SLC2A9: variants seen among roughly 807,000 people sequenced by gnomAD.
SLC2A9 encodes solute carrier family 2 member 9.
In SLC2A9, 39 loss-of-function variants were observed where a neutral mutation model predicts 50.6. The observed-to-expected ratio is 0.77, with a 90% CI of 0.60 to 1.01. The LOEUF is 1.01. SLC2A9 is among the 50% of genes least tolerant of loss of function. The pLI, the probability that SLC2A9 is intolerant of heterozygous loss-of-function variation, is 0.00. For missense variants in SLC2A9, 686 were observed against 677.6 expected (o/e 1.01, Z -0.14); for synonymous variants, 324 against 276.9 (o/e 1.17, Z -1.69).
intron 6 of SLC2A9, among the ~76,000 whole-genome samples, chr4:9,932,832 C>T (rs536971190): frequency 6.6e-6 from 1 of 152,330 alleles, no homozygotes; most frequent in East Asian, 1.9e-4. Flanking sequence ...AATGATATCT[C>T]CTTACTCCCA....
rs1746537936 is a variant in SLC2A9 at position 9,933,614 on chromosome 4, G to T, written c.814+8299C>A. On this transcript the variant is annotated intron_variant, in intron 6 of 11. Coordinates refer to ENST00000264784, the MANE Select transcript of SLC2A9 (RefSeq NM_020041.3). ...TAGAAAATGTGTAGACTTTAGGGGG[G>T]TGAGGACTAAGGTAATGGTTGCCAT... Among the ~76,000 whole-genome samples the T allele has an allele frequency of 2.0e-5, 3 of 152,138 alleles. No individual in the cohort carries two copies. The South Asian group carries it at 6.2e-4, about 32-fold the overall frequency.
At chr4:10,020,729 G>C (rs974109268) in intron 1 of SLC2A9, among the ~76,000 whole-genome samples, 1 of 152,150 alleles carries the variant, frequency 6.6e-6, no homozygotes, top group African/African-American at 2.4e-5. Flanking sequence ...TCCCAGCCCC[G>C]ATGACCTTAG....
At chr4:9,847,490 C>T (rs1729173071) in intron 10 of SLC2A9, among the ~76,000 whole-genome samples, 1 of 152,230 alleles carries the variant, frequency 6.6e-6, no homozygotes. Flanking sequence ...CAGAGCCAAA[C>T]CATATTGGCA....
chr4:10,037,956 T>C (rs1442174662), intron 1 of SLC2A9, among the ~76,000 whole-genome samples: 1 of 150,594 alleles, frequency 6.6e-6, no homozygotes, highest in Non-Finnish European at 1.5e-5. Context: ...GTCTCAAAAA[T>C]AAATAAATAA....
intron 6 of SLC2A9, among the ~76,000 whole-genome samples, chr4:9,921,298 T>A (rs536215229): frequency 6.6e-6 from 1 of 151,774 alleles, no homozygotes; most frequent in African/African-American, 2.4e-5. Flanking sequence ...AGAGAACCCA[T>A]CATTTTTTTT....
At chr4:10,015,053 G>A (rs747501614) in intron 2 of SLC2A9, among the ~76,000 whole-genome samples, 2 of 152,218 alleles carry the variant, frequency 1.3e-5, no homozygotes, top group East Asian at 1.9e-4. Flanking sequence ...GAGGGAGGGA[G>A]GGGTTGGGAC....
downstream of SLC2A9, among the ~76,000 whole-genome samples, chr4:9,778,457 G>A (rs1438914928): frequency 2.0e-5 from 3 of 152,034 alleles, no homozygotes; most frequent in African/African-American, 7.3e-5. Context: ...AAGTCAGCAG[G>A]GATTGTTCTC....
chr4:9,980,002 G>A (rs952816148), intron 5 of SLC2A9, among the ~76,000 whole-genome samples: 1 of 149,734 alleles, frequency 6.7e-6, no homozygotes, highest in Non-Finnish European at 1.5e-5. Flanking sequence ...CCTTCCTTGA[G>A]TTTACCCCAC....
chr4:10,033,526 A>G (rs1242911569), intron 1 of SLC2A9, among the ~76,000 whole-genome samples: 1 of 152,324 alleles, frequency 6.6e-6, no homozygotes, highest in Non-Finnish European at 1.5e-5. Flanking sequence ...TAAACACTGG[A>G]CTAAGATATC....
In SLC2A9 at chr4:9,880,601, G is replaced by A. The variant is rs553848848; in HGVS notation, c.1291+6966C>T. On this transcript the variant is annotated intron_variant, in intron 10 of 11. Coordinates refer to ENST00000264784, the MANE Select transcript of SLC2A9 (RefSeq NM_020041.3). Reference sequence around the variant, plus strand: ...GATTTTTGGTTAGCAAAGAACTTCAGGCAGATATGCAGATGAGTCCAATCT... The same window carrying A: ...GATTTTTGGTTAGCAAAGAACTTCAAGCAGATATGCAGATGAGTCCAATCT... 3.1e-6 allele frequency: 3 copies of A among 982,940 alleles called. No homozygotes were observed. In the South Asian group the frequency reaches 1.4e-4, roughly 46 times the overall value. The allele number at this position is 982,940 out of a possible 1,614,324, so 60.9% of individuals were successfully genotyped here.
At chr4:9,799,700 C>CCCGCA (rs1553813199) in intron 3 of SLC2A9, among the ~76,000 whole-genome samples, 1 of 93,636 alleles carries the variant, frequency 1.1e-5, no homozygotes, top group Non-Finnish European at 2.1e-5. Flanking sequence ...GTACCCCCCC[C>CCCGCA]CCACCCAACT....
chr4:9,941,619 G>A (rs1748143440), intron 6 of SLC2A9, among the ~76,000 whole-genome samples: 1 of 152,208 alleles, frequency 6.6e-6, no homozygotes, highest in Non-Finnish European at 1.5e-5. Context: ...CAACTAGAGA[G>A]GTGGTAGTGA....
intron 11 of SLC2A9, among the ~76,000 whole-genome samples, chr4:9,833,115 T>C (rs1310404051): frequency 6.6e-6 from 1 of 152,234 alleles, no homozygotes; most frequent in Non-Finnish European, 1.5e-5. Context: ...CTGCTGGCTT[T>C]GAGCCAAACT....
intron 6 of SLC2A9, among the ~76,000 whole-genome samples, chr4:9,926,704 C>T (rs1472150130): frequency 6.6e-6 from 1 of 152,008 alleles, no homozygotes; most frequent in African/African-American, 2.4e-5. Flanking sequence ...CCCCTGGTAG[C>T]TGTGAATGTG....
intron 3 of SLC2A9, among the ~76,000 whole-genome samples, chr4:9,790,231 AG>A (rs1719729546): frequency 6.6e-6 from 1 of 152,328 alleles, no homozygotes; most frequent in Non-Finnish European, 1.5e-5. Context: ...GGTCCTCTCC[AG>A]GTGAAGTATT....
Position 9,980,614 on chromosome 4 carries a change from C to G in SLC2A9, c.659G>C (p.Gly220Ala). 6.2e-7 allele frequency: 1 copy of G among 1,614,168 alleles called. No homozygotes were observed. The highest frequency in any genetic ancestry group is 8.5e-7 in the Non-Finnish European group (1 of 1,180,036). Residue 220 changes from glycine to alanine, a missense_variant, in exon 5 of 12, where the codon GGC becomes GCC. Gly to Ala is a moderately conservative substitution (Grantham distance 60, BLOSUM62 0). Transcript: ENST00000264784. ...CIGVFTGQLL[G>A]LPELLGKEST... Reference sequence around the variant, plus strand: ...CACCTTTCCCAGCAGCTCGGGCAGGCCCAGAAGCTGCCCAGTGAACACGCC... The same window carrying G: ...CACCTTTCCCAGCAGCTCGGGCAGGGCCAGAAGCTGCCCAGTGAACACGCC...
intron 3 of SLC2A9, among the ~76,000 whole-genome samples, chr4:9,994,812 C>T (rs1002987582): frequency 5.9e-5 from 9 of 151,966 alleles, no homozygotes; most frequent in Non-Finnish European, 1.0e-4. Flanking sequence ...GGTATAAATG[C>T]CACGGTCAGG....
chr4:9,838,427 G>A (rs755461835), intron 10 of SLC2A9, among the ~76,000 whole-genome samples: 7 of 152,104 alleles, frequency 4.6e-5, no homozygotes, highest in Non-Finnish European at 1.0e-4. Context: ...TGTTAAAATT[G>A]CCCACAGCAA....
downstream of SLC2A9, among the ~76,000 whole-genome samples, chr4:9,777,271 G>A (rs1717687852): frequency 6.7e-6 from 1 of 149,892 alleles, no homozygotes; most frequent in Non-Finnish European, 1.5e-5. Flanking sequence ...TAGAAAAAAA[G>A]AGCTCCCTTG....
Sources: gnomAD v4.1 joint callset for allele counts (sites outside exome capture counted in the v4.1 genomes callset) on GRCh38, gnomAD v4.1.1 for gene constraint, MANE v1.5 for transcripts, NCBI Gene and HGNC (gene_info 2026-07-23, HGNC 2026-07-21) for gene names.